Variants in RANBP2 observed in about 807,000 individuals in gnomAD.
RANBP2 encodes the protein RAN binding protein 2, also known as E3 SUMO-protein ligase RanBP2.
In RANBP2, 57 loss-of-function variants were observed where a neutral mutation model predicts 303.6. The ratio of observed to expected loss-of-function variants is 0.19; its 90% CI spans 0.15 to 0.23. The LOEUF (loss-of-function observed/expected upper bound fraction) is 0.23, where lower values mean the gene tolerates loss of function less well. Ranked by LOEUF, RANBP2 falls within the 10% of genes least tolerant of loss-of-function variation. RANBP2 has a pLI of 1.00. For missense variants in RANBP2, 3,138 were observed against 3,780.8 expected (o/e 0.83, Z 4.46); for synonymous variants, 1,167 against 1,301.5 (o/e 0.90, Z 2.23).
chr2:108,742,040 A>G (rs1233823005), intron 7 of RANBP2, among the ~76,000 whole-genome samples: 1 of 151,916 alleles, frequency 6.6e-6, no homozygotes, highest in Non-Finnish European at 1.5e-5. Flanking sequence ...CTTGTTGCCC[A>G]GGCTGGAGTG....
At chr2:109,415,543 C>T in the RANBP2 span, among the ~76,000 whole-genome samples, 5 of 152,136 alleles carry the variant, frequency 3.3e-5, no homozygotes, top group South Asian at 2.1e-4. Context: ...TGCCCTCTGC[C>T]GGTGCAGGCT....
At chr2:109,432,431 C>T in the RANBP2 span, 12 of 1,575,856 alleles carry the variant, frequency 7.6e-6, no homozygotes, top group South Asian at 1.0e-4. Context: ...AACCTCCCCC[C>T]AGGAATGCCG....
chr2:109,400,170 C>T, the RANBP2 span, among the ~76,000 whole-genome samples: 6 of 152,296 alleles, frequency 3.9e-5, no homozygotes, highest in East Asian at 1.2e-3. Context: ...GCCATGTAAT[C>T]TAGATGTGCC....
chr2:109,565,694 A>G, the RANBP2 span: 3 of 1,278,232 alleles, frequency 2.3e-6, no homozygotes, highest in Admixed American at 1.7e-5. Context: ...CACCCCAAAG[A>G]AGGCATGACA....
At chr2:109,359,434 T>C in the RANBP2 span, among the ~76,000 whole-genome samples, 2 of 152,242 alleles carry the variant, frequency 1.3e-5, no homozygotes, top group African/African-American at 4.8e-5. Context: ...AGTTCTCCTT[T>C]GATTTCTTTC....
At chr2:108,748,851 A>G in intron 8 of RANBP2, 69 bp from the exon 9 acceptor site, 4 of 1,611,638 alleles carry the variant, frequency 2.5e-6, no homozygotes, top group Non-Finnish European at 3.4e-6. Flanking sequence ...GGGTATACAA[A>G]TGAGACAACG....
chr2:108,887,233 G>T, the RANBP2 span, among the ~76,000 whole-genome samples: 1 of 152,160 alleles, frequency 6.6e-6, no homozygotes, highest in Non-Finnish European at 1.5e-5. Flanking sequence ...TTGTTCCATT[G>T]GTCTACGTGT....
intron 11 of RANBP2, 67 bp downstream of exon 11, chr2:108,751,770 T>G: frequency 6.2e-7 from 1 of 1,609,128 alleles, no homozygotes; most frequent in Non-Finnish European, 8.5e-7. Flanking sequence ...TTAATCCTCA[T>G]GTGAAGATTT....
chr2:109,149,334 C>G, the RANBP2 span, among the ~76,000 whole-genome samples: 1 of 152,188 alleles, frequency 6.6e-6, no homozygotes, highest in African/African-American at 2.4e-5. Context: ...GACTTGAGCT[C>G]CTCTACTCCA....
At chr2:109,498,787 G>T in the RANBP2 span, among the ~76,000 whole-genome samples, 1 of 152,236 alleles carries the variant, frequency 6.6e-6, no homozygotes, top group African/African-American at 2.4e-5. Flanking sequence ...GGCAGGATGG[G>T]TTGGGTAAAC....
the RANBP2 span, among the ~76,000 whole-genome samples, chr2:109,465,552 T>C: frequency 7.5e-4 from 115 of 152,354 alleles, 1 homozygote; most frequent in African/African-American, 2.5e-3. Flanking sequence ...CTCATTGTTA[T>C]TATACTTTGC....
chr2:109,644,437 C>A, the RANBP2 span, among the ~76,000 whole-genome samples: 1 of 152,078 alleles, frequency 6.6e-6, no homozygotes, highest in Non-Finnish European at 1.5e-5. Context: ...TCGGGCGGTT[C>A]CAATGGTATT....
At chr2:109,040,883 G>A in the RANBP2 span, among the ~76,000 whole-genome samples, 3 of 151,910 alleles carry the variant, frequency 2.0e-5, no homozygotes, top group Admixed American at 1.3e-4. Context: ...GTGAAACCCC[G>A]TATCTACTAA....
downstream of RANBP2, among the ~76,000 whole-genome samples, chr2:108,789,210 G>T (rs1249346762): frequency 6.6e-6 from 1 of 152,154 alleles, no homozygotes; most frequent in African/African-American, 2.4e-5. Flanking sequence ...TTTATATAAT[G>T]TAAAAGATGA....
chr2:109,397,756 G>A, the RANBP2 span, among the ~76,000 whole-genome samples: 11 of 152,188 alleles, frequency 7.2e-5, no homozygotes, highest in South Asian at 4.1e-4. Flanking sequence ...AGGTGATGCC[G>A]CAGCCCTGAG....
chr2:108,845,961 T>G, the RANBP2 span, among the ~76,000 whole-genome samples: 3 of 152,352 alleles, frequency 2.0e-5, no homozygotes, highest in African/African-American at 7.2e-5. Context: ...TTTGCCCATT[T>G]TTTTTTGTTT....
At chr2:108,787,593 T>C (rs766508391), downstream of RANBP2, among the ~76,000 whole-genome samples, 4 of 152,240 alleles carry the variant, frequency 2.6e-5, no homozygotes, top group Non-Finnish European at 5.9e-5. Context: ...AAACCTTTTA[T>C]AGGAAAATTT....
the RANBP2 span, among the ~76,000 whole-genome samples, chr2:109,444,129 A>T: frequency 6.6e-6 from 1 of 152,240 alleles, no homozygotes; most frequent in Non-Finnish European, 1.5e-5. Flanking sequence ...TTTGAAAACT[A>T]AACAGTTTAC....
At chr2:108,970,596 G>C in the RANBP2 span, among the ~76,000 whole-genome samples, 1 of 149,952 alleles carries the variant, frequency 6.7e-6, no homozygotes. Context: ...AGAATAACCA[G>C]GGTGGGGCAG....
Sources: gnomAD v4.1 joint callset for allele counts (sites outside exome capture counted in the v4.1 genomes callset) on GRCh38, gnomAD v4.1.1 for gene constraint, MANE v1.5 for transcripts, NCBI Gene and HGNC (gene_info 2026-07-23, HGNC 2026-07-21) for gene names.